Variants in ZNF385B observed in about 807,000 individuals in gnomAD.
The protein encoded by ZNF385B is zinc finger protein 533.
A neutral mutation model predicts 39.2 loss-of-function variants in ZNF385B; 23 were observed. That is an observed-to-expected ratio of 0.59 (90% confidence interval 0.42 to 0.83). The LOEUF (loss-of-function observed/expected upper bound fraction) is 0.83. Ranked by LOEUF, ZNF385B falls within the 40% of genes least tolerant of loss-of-function variation. The probability of loss-of-function intolerance (pLI) is 0.00; values close to 1 mark genes in which losing one functional copy is unlikely to be tolerated. For synonymous variants in ZNF385B, 205 were observed against 222.6 expected (o/e 0.92, Z 0.70); for missense variants, 552 against 598.9 (o/e 0.92, Z 0.82).
At chr2:179,475,686 C>G (rs1438035672) in intron 6 of ZNF385B, among the ~76,000 whole-genome samples, 1 of 151,618 alleles carries the variant, frequency 6.6e-6, no homozygotes, top group Non-Finnish European at 1.5e-5. Flanking sequence ...ACAGACTTTA[C>G]ACATGTTTCA....
Position 179,683,162 on chromosome 2 carries a change from C to T in ZNF385B, c.298+86341G>A, listed in dbSNP as rs1697654059. On this transcript the variant is annotated intron_variant, in intron 3 of 9. Transcript: ENST00000410066. ...CAGCACTTTGGGAGGCCGAGGCGGG[C>T]GGATCACCTGAGGTCAAGAGTTCGA... Among the ~76,000 whole-genome samples, 4 of 152,040 alleles carry T rather than the reference C, an allele frequency of 2.6e-5. No homozygotes were observed. The South Asian group carries it at 8.3e-4, about 32-fold the overall frequency.
chr2:179,744,558 G>A (rs554259345), intron 3 of ZNF385B, among the ~76,000 whole-genome samples: 14 of 152,212 alleles, frequency 9.2e-5, no homozygotes, highest in Admixed American at 2.0e-4. Context: ...CTCCTGATGC[G>A]TCTGCTTAGC....
chr2:179,726,887 A>G (rs1243110362), intron 3 of ZNF385B, among the ~76,000 whole-genome samples: 1 of 152,110 alleles, frequency 6.6e-6, no homozygotes, highest in African/African-American at 2.4e-5. Context: ...AAACACAGAG[A>G]TGTTAAGTAG....
intron 3 of ZNF385B, among the ~76,000 whole-genome samples, chr2:179,577,734 A>G (rs1306335768): frequency 6.6e-6 from 1 of 152,066 alleles, no homozygotes; most frequent in African/African-American, 2.4e-5. Context: ...TAATATGAAT[A>G]CTAGTTATGG....
intron 1 of ZNF385B, among the ~76,000 whole-genome samples, chr2:179,812,482 T>A (rs1027224148): frequency 4.6e-5 from 7 of 152,174 alleles, no homozygotes; most frequent in African/African-American, 1.7e-4. Context: ...TGAAATAATG[T>A]GTTTTGCCAC....
intron 3 of ZNF385B, among the ~76,000 whole-genome samples, chr2:179,680,478 G>T (rs758294118): frequency 2.8e-4 from 43 of 152,154 alleles, no homozygotes; most frequent in Middle Eastern, 3.4e-3. Flanking sequence ...TTGGAAAATA[G>T]GATAGTAGTT....
At chr2:179,782,483 G>C (rs1042054066) in intron 1 of ZNF385B, among the ~76,000 whole-genome samples, 1 of 152,156 alleles carries the variant, frequency 6.6e-6, no homozygotes, top group African/African-American at 2.4e-5. Flanking sequence ...GTCCTAGCCA[G>C]AGCAATCAGA....
At chr2:179,725,910 G>A (rs12467144) in intron 3 of ZNF385B, among the ~76,000 whole-genome samples, 17,118 of 138,436 alleles carry the variant, frequency 0.12, 1,466 homozygotes, top group East Asian at 0.48. Flanking sequence ...GTTTGTGTGT[G>A]TATATATATA....
intron 6 of ZNF385B, among the ~76,000 whole-genome samples, chr2:179,448,919 T>A (rs563637176): frequency 6.6e-6 from 1 of 152,196 alleles, no homozygotes; most frequent in East Asian, 1.9e-4. Context: ...AAAATATCTA[T>A]CCTGCTCAAC....
intron 3 of ZNF385B, among the ~76,000 whole-genome samples, chr2:179,729,750 G>A (rs1193374511): frequency 6.6e-6 from 1 of 152,164 alleles, no homozygotes; most frequent in Admixed American, 6.5e-5. Flanking sequence ...GAGACCAGGT[G>A]GGAGGTGATT....
At chr2:179,457,618 T>G (rs1411174791) in intron 6 of ZNF385B, among the ~76,000 whole-genome samples, 2 of 152,208 alleles carry the variant, frequency 1.3e-5, no homozygotes, top group African/African-American at 2.4e-5. Flanking sequence ...TTAATTTGTA[T>G]TTCCCCAATA....
chr2:179,469,226 C>A (rs1258742467), intron 6 of ZNF385B, among the ~76,000 whole-genome samples: 1 of 152,162 alleles, frequency 6.6e-6, no homozygotes, highest in Non-Finnish European at 1.5e-5. Context: ...CTGGGCCACA[C>A]TGGAAGAAGA....
intron 3 of ZNF385B, among the ~76,000 whole-genome samples, chr2:179,663,467 T>C (rs1694731426): frequency 3.3e-5 from 5 of 152,080 alleles, no homozygotes; most frequent in Admixed American, 3.3e-4. Context: ...TCCCAGCACT[T>C]TGGGAGGCCG....
chr2:179,460,456 A>G (rs1439096347), intron 6 of ZNF385B, among the ~76,000 whole-genome samples: 2 of 152,192 alleles, frequency 1.3e-5, no homozygotes, highest in African/African-American at 2.4e-5. Context: ...GATAAGATTA[A>G]GAGTATTAAA....
At chr2:179,658,913 G>A (rs1694125267) in intron 3 of ZNF385B, among the ~76,000 whole-genome samples, 4 of 152,160 alleles carry the variant, frequency 2.6e-5, no homozygotes, top group Admixed American at 6.6e-5. Context: ...GAGTAGCTGG[G>A]ATTACAGGCA....
chr2:179,623,170 A>C (rs1690362120), intron 3 of ZNF385B, among the ~76,000 whole-genome samples: 1 of 152,172 alleles, frequency 6.6e-6, no homozygotes, highest in Non-Finnish European at 1.5e-5. Context: ...ATCAAGATTC[A>C]CTGGATTGCC....
intron 1 of ZNF385B, among the ~76,000 whole-genome samples, chr2:179,824,304 A>T (rs1011696700): frequency 5.3e-5 from 8 of 152,158 alleles, no homozygotes; most frequent in African/African-American, 1.7e-4. Context: ...AGAGAAGTCT[A>T]TGTTACCCAA....
chr2:179,493,622 T>TGTATACGCATATGTATACACATATGC (rs2055596133), intron 5 of ZNF385B, among the ~76,000 whole-genome samples: 4 of 96,262 alleles, frequency 4.2e-5, no homozygotes, highest in African/African-American at 1.5e-4. Flanking sequence ...CGTACATATA[T>TGTATACGCATATGTATACACATATGC]GTATACGCAT....
At chr2:179,682,543 C>CT (rs1160999950) in intron 3 of ZNF385B, among the ~76,000 whole-genome samples, 1 of 152,216 alleles carries the variant, frequency 6.6e-6, no homozygotes, top group Admixed American at 6.5e-5. Flanking sequence ...TGGTTTAACT[C>CT]TGTCTCTGAA....
Sources: allele counts gnomAD v4.1 joint callset (sites outside exome capture counted in the v4.1 genomes callset), GRCh38; gene constraint gnomAD v4.1.1; transcripts MANE v1.5; gene names NCBI Gene and HGNC (gene_info 2026-07-23, HGNC 2026-07-21).